The following ILKAP variants were observed in gnomAD, a reference collection of about 807,000 sequenced individuals.
The protein encoded by ILKAP is ILK associated serine/threonine phosphatase, also known as integrin-linked kinase-associated serine/threonine phosphatase 2C.
ILKAP carries 11 observed loss-of-function variants against 49.1 expected under a neutral mutation model. That is an observed-to-expected ratio of 0.22 (90% CI 0.14 to 0.37). The LOEUF is 0.37. ILKAP is among the 10% of genes least tolerant of loss of function. ILKAP has a pLI of 1.00. For missense variants in ILKAP, 363 were observed against 510.8 expected (o/e 0.71, Z 2.79); for synonymous variants, 186 against 192.8 (o/e 0.96, Z 0.29).
intron 6 of ILKAP, among the ~76,000 whole-genome samples, chr2:238,184,732 GTTTTT>G (rs35676364): frequency 7.0e-6 from 1 of 143,712 alleles, no homozygotes; most frequent in Non-Finnish European, 1.5e-5. Context: ...AGTTAGGTTT[GTTTTT>G]TTTTTTTATA....
rs533616040 is a variant in ILKAP at position 238,200,504 on chromosome 2, C to T, written c.55+2995G>A. On this transcript the variant is annotated intron_variant, in intron 1 of 11. Transcript: ENST00000254654. ...CTTTCCCATAATTCATTTAAGACTG[C>T]GTTTTTCCACTTTTAAACAACTGTT... is the stretch of plus-strand genomic sequence containing the variant. 2.6e-5 allele frequency among the ~76,000 whole-genome samples: 4 copies of T among 152,318 alleles called. No homozygotes were observed. The South Asian group carries it at 6.2e-4, about 24-fold the overall frequency.
chr2:238,196,669 A>C (rs1218365761), intron 1 of ILKAP, among the ~76,000 whole-genome samples: 3 of 152,224 alleles, frequency 2.0e-5, no homozygotes, highest in Non-Finnish European at 4.4e-5. Flanking sequence ...TTATAAACTT[A>C]AGGGAATGAA....
intron 8 of ILKAP, 74 bp from the exon 9 acceptor site, chr2:238,182,260 A>T: frequency 6.4e-7 from 1 of 1,552,758 alleles, no homozygotes; most frequent in Admixed American, 1.7e-5. Context: ...TGAAAAAAAC[A>T]GTTAACAATG....
At chr2:238,201,097 C>G (rs1197600413) in intron 1 of ILKAP, among the ~76,000 whole-genome samples, 1 of 152,220 alleles carries the variant, frequency 6.6e-6, no homozygotes, top group Non-Finnish European at 1.5e-5. Context: ...GTGGTACCCA[C>G]ATATCATGTG....
intron 4 of ILKAP, among the ~76,000 whole-genome samples, chr2:238,189,505 C>A (rs1179606836): frequency 6.6e-6 from 1 of 152,116 alleles, no homozygotes; most frequent in Non-Finnish European, 1.5e-5. Context: ...ATTCAAAGCA[C>A]TAATTGACAA....
At chr2:238,189,362 C>T (rs1219372840) in intron 4 of ILKAP, among the ~76,000 whole-genome samples, 1 of 152,200 alleles carries the variant, frequency 6.6e-6, no homozygotes, top group African/African-American at 2.4e-5. Context: ...TTTAGTACCA[C>T]AACTGAAGTA....
intron 5 of ILKAP, chr2:238,185,902 GT>G (rs1693891208): frequency 6.6e-6 from 1 of 152,038 alleles, no homozygotes; most frequent in Admixed American, 6.6e-5. Flanking sequence ...TAAAAGAGAT[GT>G]AACACTTTTC....
At chr2:238,192,421 C>T (rs540164076) in intron 3 of ILKAP, among the ~76,000 whole-genome samples, 3 of 151,820 alleles carry the variant, frequency 2.0e-5, no homozygotes, top group South Asian at 2.1e-4. Context: ...GTTATCGGGC[C>T]GGGCAAGGTC....
intron 9 of ILKAP, among the ~76,000 whole-genome samples, chr2:238,181,806 C>G (rs982341309): frequency 6.6e-6 from 1 of 152,080 alleles, no homozygotes; most frequent in Non-Finnish European, 1.5e-5. Context: ...TAAGAAACTT[C>G]CTAGGCACAG....
intron 4 of ILKAP, 118 bp from the exon 5 acceptor site, chr2:238,188,375 G>A (rs1228397601): frequency 3.4e-5 from 42 of 1,246,964 alleles, no homozygotes; most frequent in Middle Eastern, 3.8e-4. Flanking sequence ...TCCTAATGGC[G>A]CAAACAAATA....
In ILKAP at chr2:238,203,663, C is replaced by T. The variant is rs1006888123; in HGVS notation, c.-110G>A. 1.2e-4 allele frequency: 63 copies of T among 513,532 alleles called. No individual in the cohort carries two copies. The highest frequency in any genetic ancestry group is 1.7e-4 in the Non-Finnish European group (61 of 369,510). 31.8% of individuals were successfully genotyped at this position (513,532 alleles called of 1,614,324 possible). On this transcript the variant is annotated 5_prime_UTR_variant, in exon 1 of 12. Coordinates refer to ENST00000254654, the MANE Select transcript of ILKAP (RefSeq NM_030768.3). ...GCAGCGGGCGGGCGACGGGCAGGGGCGGCCGGCGCCGTCAGTCACCTGCAG... is the reference window on the plus strand; with the variant it reads ...GCAGCGGGCGGGCGACGGGCAGGGGTGGCCGGCGCCGTCAGTCACCTGCAG...
rs752717590 is a variant in ILKAP at position 238,183,888 on chromosome 2, G to A, written c.626+132C>T. On this transcript the variant is annotated intron_variant, in intron 7 of 11. Transcript: ENST00000254654. Reference sequence around the variant, plus strand: ...TTTTTCTGTTTTAGATTTAGCTAACGGTTATAAAAGCTGAGTGCTACGCAC... The same window carrying A: ...TTTTTCTGTTTTAGATTTAGCTAACAGTTATAAAAGCTGAGTGCTACGCAC... 9.5e-6 allele frequency: 9 copies of A among 943,470 alleles called. No individual in the cohort carries two copies. In the East Asian group the frequency reaches 9.6e-5, roughly 10 times the overall value. The allele number at this position is 943,470 out of a possible 1,614,324, so 58.4% of individuals were successfully genotyped here. A position where few individuals can be genotyped will look rare whatever the true frequency, so the allele number is the denominator to read the frequency against.
At chr2:238,182,247 AGTT>A in intron 8 of ILKAP, 61 bp from the exon 9 acceptor site, 5 of 1,590,338 alleles carry the variant, frequency 3.1e-6, no homozygotes, top group Non-Finnish European at 4.3e-6. Flanking sequence ...TAAAGGTACC[AGTT>A]GAAAAAAACA....
intron 1 of ILKAP, among the ~76,000 whole-genome samples, chr2:238,197,400 T>C (rs1694387691): frequency 6.6e-6 from 1 of 152,080 alleles, no homozygotes; most frequent in East Asian, 1.9e-4. Context: ...GCCAGATGTC[T>C]TAGGACAAGG....
chr2:238,186,450 T>C (rs981619568), intron 5 of ILKAP: 7 of 152,220 alleles, frequency 4.6e-5, no homozygotes, highest in Non-Finnish European at 7.3e-5. Flanking sequence ...CTGGGCAACA[T>C]AGCGAGACCC....
intron 1 of ILKAP, among the ~76,000 whole-genome samples, chr2:238,197,451 A>G (rs1340106811): frequency 6.6e-6 from 1 of 152,192 alleles, no homozygotes; most frequent in Non-Finnish European, 1.5e-5. Context: ...TGAAGAGCAA[A>G]CAACCCTTCC....
rs1169397049 is a variant in ILKAP at position 238,182,099 on chromosome 2, G to A, written c.802C>T (p.Arg268Trp). 6.2e-6 allele frequency: 10 copies of A among 1,613,454 alleles called. No individual in the cohort carries two copies. Among genetic ancestry groups the A allele is most frequent in the Non-Finnish European group, 7.6e-6 (9 of 1,179,700 alleles). Residue 268 changes from arginine (R) to tryptophan (W), a missense_variant, in exon 9 of 12, where the codon CGG (arginine) becomes TGG (tryptophan). Transcript: ENST00000254654. Reference protein sequence around the residue: ...KEHNPTQYEERMRIQKAGGNV... With the variant: ...KEHNPTQYEEWMRIQKAGGNV... ...CCTCCAGCCTTCTGTATCCTCATCC[G>A]CTCTTCATACTGAGTTGGATTATGC...
At chr2:238,181,001 C>G (rs1486219979) in intron 9 of ILKAP, among the ~76,000 whole-genome samples, 1 of 152,226 alleles carries the variant, frequency 6.6e-6, no homozygotes, top group East Asian at 1.9e-4. Context: ...CTGCTTGAGG[C>G]CTGAAACCAG....
intron 1 of ILKAP, among the ~76,000 whole-genome samples, chr2:238,200,304 T>C (rs1694516931): frequency 6.6e-6 from 1 of 152,194 alleles, no homozygotes; most frequent in Non-Finnish European, 1.5e-5. Flanking sequence ...TTTAGCAAAA[T>C]ACCTGAAATA....
Sources: allele counts gnomAD v4.1 joint callset (sites outside exome capture counted in the v4.1 genomes callset), GRCh38; gene constraint gnomAD v4.1.1; transcripts MANE v1.5; gene names NCBI Gene and HGNC (gene_info 2026-07-23, HGNC 2026-07-21).